PELI2: variants seen among roughly 807,000 people sequenced by gnomAD.
The protein encoded by PELI2 is E3 ubiquitin-protein ligase pellino homolog 2.
Under a neutral mutation model 42.3 loss-of-function variants are expected in PELI2, and 23 were observed. That is an observed-to-expected ratio of 0.54 (90% CI 0.39 to 0.77). The LOEUF (loss-of-function observed/expected upper bound fraction) is 0.77, where lower values mean the gene tolerates loss of function less well. Among genes scored for constraint, PELI2 ranks in the 30% least tolerant of loss-of-function variants. PELI2 has a pLI of 0.00. For missense variants in PELI2, 463 were observed against 553.2 expected, an observed-to-expected ratio of 0.84 and a Z score of 1.64; for synonymous variants, 245 against 212.2, an observed-to-expected ratio of 1.15 and a Z score of -1.34.
Position 56,197,280 on chromosome 14 carries a change from G to A in PELI2, c.207+18816G>A, listed in dbSNP as rs1886162435. On this transcript the variant is annotated intron_variant, in intron 2 of 5. Transcript: ENST00000267460. The surrounding 1 kb of genome is among the most constrained non-coding windows in gnomAD (Gnocchi z 4.9). ...CAGGGACACATATTTAAGTTTTGAT[G>A]AGTTATGAAGGCATACATAGAGTTT... 6.6e-6 allele frequency among the ~76,000 whole-genome samples: 1 copy of A among 152,206 alleles called. No homozygotes were observed. Among genetic ancestry groups the A allele is most frequent in the Non-Finnish European group, 1.5e-5 (1 of 68,046 alleles).
intron 2 of PELI2, among the ~76,000 whole-genome samples, chr14:56,234,095 G>GATT (rs954926128): frequency 1.3e-5 from 2 of 152,166 alleles, no homozygotes; most frequent in Non-Finnish European, 2.9e-5. Flanking sequence ...AAAAAGTCAG[G>GATT]AAACAACAGG....
intron 2 of PELI2, among the ~76,000 whole-genome samples, chr14:56,258,554 GA>G (rs1452371896): frequency 1.3e-5 from 2 of 149,116 alleles, no homozygotes; most frequent in Admixed American, 6.7e-5. Context: ...TGAAACTTCT[GA>G]AGGTGAAAAA....
intron 2 of PELI2, among the ~76,000 whole-genome samples, chr14:56,265,131 A>G (rs549386949): frequency 6.6e-6 from 1 of 152,304 alleles, no homozygotes; most frequent in East Asian, 1.9e-4. Flanking sequence ...AGAAATTAAT[A>G]AACTGATTCT....
chr14:56,240,573 G>T (rs1251903000), intron 2 of PELI2, among the ~76,000 whole-genome samples: 2 of 152,190 alleles, frequency 1.3e-5, no homozygotes, highest in Non-Finnish European at 2.9e-5. Context: ...CTCTTTCAAG[G>T]AGTTTGGCTG....
At chr14:56,225,095 C>T (rs1887294918) in intron 2 of PELI2, among the ~76,000 whole-genome samples, 1 of 152,200 alleles carries the variant, frequency 6.6e-6, no homozygotes, top group Non-Finnish European at 1.5e-5. Context: ...TGAGTAAATA[C>T]ATGTGCGTGT....
chr14:56,156,468 A>G (rs1208240622), intron 1 of PELI2, among the ~76,000 whole-genome samples: 1 of 152,242 alleles, frequency 6.6e-6, no homozygotes, highest in Non-Finnish European at 1.5e-5. Context: ...TAGAAACATA[A>G]TGTCCAAAAA....
rs959784224 is a variant in PELI2 at position 56,197,483 on chromosome 14, G to A, written c.207+19019G>A. Among the ~76,000 whole-genome samples the A allele has an allele frequency of 6.6e-6, 1 of 152,100 alleles. No homozygotes were observed. The highest frequency in any genetic ancestry group is 1.5e-5 in the Non-Finnish European group (1 of 68,032). ...GCAATAGGAAGCTGTTGGGTGTTTGGGGAGACATTTATGCATGAAGCGGGT... is the reference window on the plus strand; with the variant it reads ...GCAATAGGAAGCTGTTGGGTGTTTGAGGAGACATTTATGCATGAAGCGGGT... On this transcript the variant is annotated intron_variant, in intron 2 of 5. Transcript: ENST00000267460. The surrounding 1 kb of genome is among the most constrained non-coding windows in gnomAD (Gnocchi z 4.9).
Position 56,290,311 on chromosome 14 carries a change from G to A in PELI2, c.551G>A (p.Gly184Glu), listed in dbSNP as rs201155924. The A allele has an allele frequency of 3.7e-6, 6 of 1,609,598 alleles. No individual in the cohort carries two copies. The highest frequency in any genetic ancestry group is 1.3e-5 in the African/African-American group (1 of 74,930). Reference sequence around the variant, plus strand: ...AAAAACCCCGACGGCCACATGGATGGGCTCACTACTAATGGCGTCCTGGTG... The same window carrying A: ...AAAAACCCCGACGGCCACATGGATGAGCTCACTACTAATGGCGTCCTGGTG... ...KWKNPDGHMD[G>E]LTTNGVLVMH... The change falls in exon 5 of 6, where the codon GGG (glycine) becomes GAG (glutamate). Residue 184 changes from glycine to glutamate, a missense_variant. Around this residue, in one of 3 missense-constraint regions of PELI2, gnomAD observed 343 missense variants for 378.4 expected, o/e 0.91. Transcript: ENST00000267460.
At chr14:56,252,805 T>G (rs949639079) in intron 2 of PELI2, among the ~76,000 whole-genome samples, 2 of 152,240 alleles carry the variant, frequency 1.3e-5, no homozygotes, top group Non-Finnish European at 2.9e-5. Flanking sequence ...CCATTCCTTC[T>G]GAAAGTATTC....
chr14:56,283,646 AG>A (rs1426042591), intron 3 of PELI2, among the ~76,000 whole-genome samples: 1 of 152,190 alleles, frequency 6.6e-6, no homozygotes, highest in East Asian at 1.9e-4. Context: ...TGAAAGGAAA[AG>A]TAATGTAAAC....
rs1882932973 is a variant in PELI2 at position 56,118,501 on chromosome 14, G to A, written c.-160G>A. The A allele has an allele frequency of 7.9e-6, 3 of 381,260 alleles. No individual in the cohort carries two copies. Among genetic ancestry groups the A allele is most frequent in the Non-Finnish European group, 1.4e-5 (3 of 221,340 alleles). 23.6% of individuals were successfully genotyped at this position (381,260 alleles called of 1,614,324 possible). On this transcript the variant is annotated 5_prime_UTR_variant, in exon 1 of 6. Transcript: ENST00000267460. ...GCAGCCGCGCAGCCACGACGGAGCAGCAGCGGGACTGGCCGCCCCGCGCCC... is the reference window on the plus strand; with the variant it reads ...GCAGCCGCGCAGCCACGACGGAGCAACAGCGGGACTGGCCGCCCCGCGCCC...
At chr14:56,232,105 T>A (rs36158476) in intron 2 of PELI2, among the ~76,000 whole-genome samples, 61,154 of 151,724 alleles carry the variant, frequency 0.4, 13,012 homozygotes, top group South Asian at 0.53. Context: ...TCTGAAATCG[T>A]GGCAATAATT....
intron 1 of PELI2, among the ~76,000 whole-genome samples, chr14:56,147,753 G>A (rs1884184585): frequency 6.6e-6 from 1 of 152,222 alleles, no homozygotes; most frequent in Non-Finnish European, 1.5e-5. Flanking sequence ...AAAGTTAGGG[G>A]AGAGCTATAA....
chr14:56,218,710 T>A (rs1324095159), intron 2 of PELI2, among the ~76,000 whole-genome samples: 1 of 152,030 alleles, frequency 6.6e-6, no homozygotes. Context: ...TGCGTGTGTG[T>A]GTGTGTGTGT....
At chr14:56,158,106 C>G (rs982819458) in intron 1 of PELI2, among the ~76,000 whole-genome samples, 3 of 152,160 alleles carry the variant, frequency 2.0e-5, no homozygotes, top group African/African-American at 7.2e-5. Context: ...CGGCTCACTG[C>G]AACCTCCACC....
intron 2 of PELI2, among the ~76,000 whole-genome samples, chr14:56,255,213 A>G (rs1435123637): frequency 1.3e-5 from 2 of 152,236 alleles, no homozygotes; most frequent in African/African-American, 4.8e-5. Context: ...ACTATTTACA[A>G]TAGCAAAGAC....
At chr14:56,221,912 C>G (rs192156264) in intron 2 of PELI2, among the ~76,000 whole-genome samples, 1 of 152,164 alleles carries the variant, frequency 6.6e-6, no homozygotes, top group Admixed American at 6.5e-5. Context: ...CATGTGACAG[C>G]CACGAGAGGA....
intron 1 of PELI2, among the ~76,000 whole-genome samples, chr14:56,156,864 G>A (rs1159320834): frequency 6.6e-6 from 1 of 152,168 alleles, no homozygotes; most frequent in Non-Finnish European, 1.5e-5. Flanking sequence ...GTGCCTCTCT[G>A]TGTAAGGCTG....
chr14:56,125,084 A>G (rs563726983), intron 1 of PELI2, among the ~76,000 whole-genome samples: 1 of 152,242 alleles, frequency 6.6e-6, no homozygotes, highest in African/African-American at 2.4e-5. Flanking sequence ...GGAGAAACTG[A>G]GGCTGCAGCC....
Sources: allele counts gnomAD v4.1 joint callset (sites outside exome capture counted in the v4.1 genomes callset), GRCh38; gene constraint gnomAD v4.1.1; regional missense constraint gnomAD v4.1.1; non-coding constraint Gnocchi (gnomAD v3.1); transcripts MANE v1.5; gene names NCBI Gene and HGNC (gene_info 2026-07-23, HGNC 2026-07-21).